Variants in RREB1 observed in about 807,000 individuals in gnomAD.
RREB1 encodes ras-responsive element-binding protein 1.
RREB1 carries 27 observed loss-of-function variants against 117.8 expected under a neutral mutation model. The observed-to-expected ratio is 0.23, with a 90% CI of 0.17 to 0.32. The LOEUF (loss-of-function observed/expected upper bound fraction) is 0.32, where lower values mean the gene tolerates loss of function less well. RREB1 is among the 10% of genes least tolerant of loss of function. RREB1 has a pLI of 1.00. For missense variants in RREB1, 2,577 were observed against 2,378.2 expected (o/e 1.08, Z -1.74); for synonymous variants, 1,298 against 1,026.7 (o/e 1.26, Z -5.05).
chr6:7,201,581 A>T (rs1765990462), intron 6 of RREB1, among the ~76,000 whole-genome samples: 1 of 144,284 alleles, frequency 6.9e-6, no homozygotes, highest in Admixed American at 7.5e-5. Context: ...CATGACACGG[A>T]TCCTCATCTC....
chr6:7,159,897 A>C (rs1763563981), intron 1 of RREB1, among the ~76,000 whole-genome samples: 1 of 152,208 alleles, frequency 6.6e-6, no homozygotes, highest in African/African-American at 2.4e-5. Context: ...ATGTGGTTTC[A>C]AGGGTATGAC....
intron 8 of RREB1, among the ~76,000 whole-genome samples, chr6:7,225,556 A>C (rs905182688): frequency 6.6e-5 from 10 of 152,176 alleles, no homozygotes; most frequent in Non-Finnish European, 1.2e-4. Flanking sequence ...AAAAGCAGAG[A>C]CAATATTATA....
intron 1 of RREB1, among the ~76,000 whole-genome samples, chr6:7,172,081 G>A (rs1186721294): frequency 6.6e-6 from 1 of 152,158 alleles, no homozygotes; most frequent in Admixed American, 6.5e-5. Context: ...AAGTAGCTGG[G>A]ACTGCAGGAG....
chr6:7,171,339 C>G (rs1053561896), intron 1 of RREB1, among the ~76,000 whole-genome samples: 1 of 152,078 alleles, frequency 6.6e-6, no homozygotes, highest in African/African-American at 2.4e-5. Context: ...CCTGCCTTGA[C>G]GGGGACGGAA....
chr6:7,237,220 G>C (rs1009250429), intron 10 of RREB1, among the ~76,000 whole-genome samples: 7 of 152,012 alleles, frequency 4.6e-5, no homozygotes, highest in African/African-American at 1.7e-4. Context: ...AGAGTAGCTG[G>C]GATTACAGGT....
At chr6:7,126,229 T>C (rs1761912457) in intron 1 of RREB1, among the ~76,000 whole-genome samples, 1 of 152,158 alleles carries the variant, frequency 6.6e-6, no homozygotes, top group African/African-American at 2.4e-5. Context: ...CTTGAACTGC[T>C]GACCTCGTGA....
In RREB1 at chr6:7,153,444, A is replaced by ACACACACACACAC. The variant is rs1554118520; in HGVS notation, c.-284-23211_-284-23210insCACACACACACAC. ...CACACACACACACACACACACACAC[A>ACACACACACACAC]AATCCTCCAATGTATTTACTTTTCA... is the stretch of plus-strand genomic sequence containing the variant. On this transcript the variant is annotated intron_variant, in intron 1 of 12. Transcript: ENST00000379938. Among the ~76,000 whole-genome samples the ACACACACACACAC allele has an allele frequency of 4.8e-3, 727 of 151,774 alleles. 3 individuals are homozygous for ACACACACACACAC. Among genetic ancestry groups the ACACACACACACAC allele is most frequent in the Non-Finnish European group, 7.9e-3 (534 of 67,896 alleles).
chr6:7,206,944 A>G (rs1241266436), intron 6 of RREB1, among the ~76,000 whole-genome samples: 1 of 152,232 alleles, frequency 6.6e-6, no homozygotes, highest in Non-Finnish European at 1.5e-5. Flanking sequence ...GAAGTCTAGC[A>G]GATAGGTGGA....
intron 6 of RREB1, among the ~76,000 whole-genome samples, chr6:7,208,847 A>T (rs1316999003): frequency 2.0e-5 from 3 of 152,220 alleles, no homozygotes; most frequent in African/African-American, 7.2e-5. Context: ...TTAAGATTCC[A>T]GCTGGTGATC....
At chr6:7,182,909 G>A (rs1561766778) in intron 4 of RREB1, among the ~76,000 whole-genome samples, 1 of 152,220 alleles carries the variant, frequency 6.6e-6, no homozygotes, top group Non-Finnish European at 1.5e-5. Flanking sequence ...AGCAATGGAT[G>A]AGAAAGCAAA....
intron 1 of RREB1, among the ~76,000 whole-genome samples, chr6:7,123,756 G>A (rs142033877): frequency 0.016 from 2,467 of 151,774 alleles, 72 homozygotes; most frequent in African/African-American, 0.057. Flanking sequence ...GACTACAGGC[G>A]CCCGCCACCA....
intron 1 of RREB1, among the ~76,000 whole-genome samples, chr6:7,109,369 C>T (rs1314491189): frequency 2.0e-5 from 3 of 152,106 alleles, no homozygotes; most frequent in East Asian, 3.9e-4. Flanking sequence ...AGGGGAGGTC[C>T]TTCCCGTCGC....
At chr6:7,151,131 G>A (rs975345204) in intron 1 of RREB1, among the ~76,000 whole-genome samples, 5 of 152,120 alleles carry the variant, frequency 3.3e-5, no homozygotes, top group African/African-American at 1.2e-4. Context: ...TTTGTTGGGT[G>A]GTTCATTGTT....
chr6:7,188,131 G>GC (rs1452535848), intron 5 of RREB1, among the ~76,000 whole-genome samples: 1 of 152,062 alleles, frequency 6.6e-6, no homozygotes. Context: ...TTGCGCCACT[G>GC]CACTGCAGCC....
chr6:7,242,182 A>T (rs895628325), intron 11 of RREB1, among the ~76,000 whole-genome samples: 2 of 152,206 alleles, frequency 1.3e-5, no homozygotes, highest in Non-Finnish European at 2.9e-5. Flanking sequence ...AAGTCTTAGT[A>T]ACTCCGTGCT....
chr6:7,205,623 G>A (rs1272014907), intron 6 of RREB1, among the ~76,000 whole-genome samples: 1 of 152,142 alleles, frequency 6.6e-6, no homozygotes, highest in African/African-American at 2.4e-5. Context: ...AGGAAGGTCC[G>A]CAGAAAGTTC....
In RREB1 at chr6:7,143,567, A is replaced by G. The variant is rs983753937; in HGVS notation, c.-284-33088A>G. On this transcript the variant is annotated intron_variant, in intron 1 of 12. Coordinates refer to ENST00000379938, the MANE Select transcript of RREB1 (RefSeq NM_001003699.4). ...CCCAGCTCCTGTTGGAAGAGAGTAA[A>G]TGGTGCTTGGGGCCTCTTTATCTAG... 5.9e-5 allele frequency among the ~76,000 whole-genome samples: 9 copies of G among 152,148 alleles called. 1 individual carries two copies. Among genetic ancestry groups the G allele is most frequent in the African/African-American group, 2.2e-4 (9 of 41,410 alleles).
chr6:7,127,034 T>G (rs778620401), intron 1 of RREB1, among the ~76,000 whole-genome samples: 1 of 152,102 alleles, frequency 6.6e-6, no homozygotes, highest in Non-Finnish European at 1.5e-5. Context: ...AAAAAGCAGT[T>G]TAAGTACAGG....
intron 6 of RREB1, among the ~76,000 whole-genome samples, chr6:7,198,720 A>G (rs1464138786): frequency 6.6e-6 from 1 of 152,232 alleles, no homozygotes; most frequent in African/African-American, 2.4e-5. Flanking sequence ...GAACACTAAA[A>G]TAGACATACT....
Sources: gnomAD v4.1 joint callset for allele counts (sites outside exome capture counted in the v4.1 genomes callset) on GRCh38, gnomAD v4.1.1 for gene constraint, MANE v1.5 for transcripts, NCBI Gene and HGNC (gene_info 2026-07-23, HGNC 2026-07-21) for gene names.